Variants in FAM167A observed in about 807,000 individuals in gnomAD.
FAM167A encodes the protein family with sequence similarity 167 member A.
Under a neutral mutation model 14.9 loss-of-function variants are expected in FAM167A, and 23 were observed. That is an observed-to-expected ratio of 1.55 (90% CI 1.11 to 2.19). The LOEUF is 2.19. Ranked by LOEUF, FAM167A falls within the 30% of genes most tolerant of loss-of-function variation. The probability of loss-of-function intolerance (pLI) is 0.00; values close to 1 mark genes in which losing one functional copy is unlikely to be tolerated. For synonymous variants in FAM167A, 174 were observed against 117.7 expected, an observed-to-expected ratio of 1.48 and a Z score of -3.10; for missense variants, 401 against 281.5, an observed-to-expected ratio of 1.42 and a Z score of -3.04.
chr8:11,427,190 T>C (rs964094991), intron 2 of FAM167A, among the ~76,000 whole-genome samples: 1 of 152,328 alleles, frequency 6.6e-6, no homozygotes, highest in Non-Finnish European at 1.5e-5. Flanking sequence ...ATGTATTTTC[T>C]GCTCATGTTT....
upstream of FAM167A, among the ~76,000 whole-genome samples, chr8:11,468,747 C>G (rs1230686988): frequency 1.3e-5 from 2 of 152,224 alleles, no homozygotes; most frequent in Non-Finnish European, 2.9e-5. Flanking sequence ...CTCCTGGCTC[C>G]CTGTTTGACC....
At chr8:11,436,512 G>A (rs1482259323) in intron 2 of FAM167A, among the ~76,000 whole-genome samples, 1 of 152,176 alleles carries the variant, frequency 6.6e-6, no homozygotes, top group African/African-American at 2.4e-5. Flanking sequence ...TGGGCCAGTC[G>A]GCGGAGGGAG....
At chr8:11,470,211 T>C (rs1563397432), upstream of FAM167A, among the ~76,000 whole-genome samples, 1 of 151,538 alleles carries the variant, frequency 6.6e-6, no homozygotes, top group Non-Finnish European at 1.5e-5. Context: ...AGGGGAAGAG[T>C]GTGCACGTTT....
Position 11,444,421 on chromosome 8 carries a change from T to C in FAM167A, c.-10A>G. On this transcript the variant is annotated 5_prime_UTR_variant, in exon 2 of 3. Transcript: ENST00000284486. ...TCTGGGGCACAGACATTCTACAGTC[T>C]GCCCTGGCAGCCGGACATGCGAGGG... 5 of 1,517,252 alleles carry C rather than the reference T, an allele frequency of 3.3e-6. No individual in the cohort carries two copies. The highest frequency in any genetic ancestry group is 4.4e-6 in the Non-Finnish European group (5 of 1,133,028). 94.0% of individuals were successfully genotyped at this position (1,517,252 alleles called of 1,614,324 possible).
Position 11,444,351 on chromosome 8 carries a change from C to A in FAM167A, c.61G>T (p.Ala21Ser). ...CTCCGGAGGTGGTCATCGGGTGGTG[C>A]GGCTGCTCCCGCCCCCTCTTCTGCA... ...VGAEEGAGAA[A>S]PPDDHLRSLK... Residue 21 changes from alanine (A) to serine (S), a missense_variant, in exon 2 of 3, where the codon GCA becomes TCA. By Grantham distance (99) the Ala-to-Ser change is moderately conservative (BLOSUM62 1). Coordinates refer to ENST00000284486, the MANE Select transcript of FAM167A (RefSeq NM_053279.3). 6.3e-7 allele frequency: 1 copy of A among 1,599,732 alleles called. No homozygotes were observed. The highest frequency in any genetic ancestry group is 8.5e-7 in the Non-Finnish European group (1 of 1,173,166).
chr8:11,422,927 G>T lies in FAM167A; in HGVS notation c.*1446C>A, dbSNP rs1206298690. The T allele has an allele frequency of 6.5e-6, 1 of 152,698 alleles. No individual in the cohort carries two copies. The highest frequency in any genetic ancestry group is 1.5e-5 in the Non-Finnish European group (1 of 68,054). The allele number at this position is 152,698 out of a possible 1,614,324, so 9.5% of individuals were successfully genotyped here. A position where few individuals can be genotyped will look rare whatever the true frequency, so the allele number is the denominator to read the frequency against. On this transcript the variant is annotated 3_prime_UTR_variant, in exon 3 of 3. Coordinates refer to ENST00000284486, the MANE Select transcript of FAM167A (RefSeq NM_053279.3). The stretch of plus-strand genomic sequence containing the variant: ...ACTCTGGGAGATGTGGGTGGGGGCT[G>T]AGGTGGAGAGTAGAGGGGTTGGCAG...
rs115673240 is a variant in FAM167A at position 11,456,905 on chromosome 8, G to T, written c.-398+9721C>A. On this transcript the variant is annotated intron_variant, in intron 1 of 2. Coordinates refer to ENST00000284486, the MANE Select transcript of FAM167A (RefSeq NM_053279.3). The stretch of plus-strand genomic sequence containing the variant: ...CTGGGTTAGGGAAATGGGGGGATTG[G>T]GTTCGGGAAGTGGGTGGGGCTGGAT... Among the ~76,000 whole-genome samples the T allele has an allele frequency of 4.9e-3, 704 of 142,574 alleles. 12 individuals are homozygous for T. Among genetic ancestry groups the T allele is most frequent in the Middle Eastern group, 0.017 (5 of 290 alleles). 93.5% of individuals were successfully genotyped at this position (142,574 alleles called of 152,430 possible). A position where few individuals can be genotyped will look rare whatever the true frequency, so the allele number is the denominator to read the frequency against.
intron 1 of FAM167A, among the ~76,000 whole-genome samples, chr8:11,452,224 A>G (rs1807055712): frequency 6.6e-6 from 1 of 152,178 alleles, no homozygotes; most frequent in Non-Finnish European, 1.5e-5. Flanking sequence ...CTCACAATCC[A>G]TGACAGGCTA....
intron 1 of FAM167A, among the ~76,000 whole-genome samples, chr8:11,464,636 G>A (rs1322982426): frequency 6.6e-6 from 1 of 152,194 alleles, no homozygotes; most frequent in Non-Finnish European, 1.5e-5. Flanking sequence ...CCCCTGGTCT[G>A]GAAACCAGGA....
chr8:11,424,170 G>C lies in FAM167A; in HGVS notation c.*203C>G. The C allele has an allele frequency of 1.6e-6, 1 of 620,952 alleles. No individual in the cohort carries two copies. The highest frequency in any genetic ancestry group is 2.0e-5 in the South Asian group (1 of 48,960). 38.5% of individuals were successfully genotyped at this position (620,952 alleles called of 1,614,324 possible). ...AGAGCTCTTTGGGTAGTAAGCAAGA[G>C]CCAGTCACAGAGACACTGGCATCCA... On this transcript the variant is annotated 3_prime_UTR_variant, in exon 3 of 3. Coordinates refer to ENST00000284486, the MANE Select transcript of FAM167A (RefSeq NM_053279.3).
chr8:11,431,189 A>C (rs544449189), intron 2 of FAM167A, among the ~76,000 whole-genome samples: 43 of 152,382 alleles, frequency 2.8e-4, no homozygotes, highest in Non-Finnish European at 5.6e-4. Flanking sequence ...GCCTATCCAT[A>C]AAGTGGAATA....
At chr8:11,461,820 G>A (rs1807550803) in intron 1 of FAM167A, among the ~76,000 whole-genome samples, 1 of 152,252 alleles carries the variant, frequency 6.6e-6, no homozygotes, top group Admixed American at 6.5e-5. Context: ...TGCAGCACAA[G>A]TTCCAAAGCC....
At chr8:11,436,136 G>A (rs1254799588) in intron 2 of FAM167A, among the ~76,000 whole-genome samples, 3 of 152,224 alleles carry the variant, frequency 2.0e-5, no homozygotes, top group African/African-American at 4.8e-5. Context: ...GCATGGTCCG[G>A]GGTTGGGTAG....
chr8:11,424,321 C>T lies in FAM167A; in HGVS notation c.*52G>A, dbSNP rs996008684. 1.2e-5 allele frequency: 19 copies of T among 1,601,032 alleles called. No homozygotes were observed. The African/African-American group carries it at 1.2e-4, about 10-fold the overall frequency. On this transcript the variant is annotated 3_prime_UTR_variant, in exon 3 of 3. Coordinates refer to ENST00000284486, the MANE Select transcript of FAM167A (RefSeq NM_053279.3). Reference sequence around the variant, plus strand: ...ACTTGGCCTCAGCTTCCTCTGACACCCCTCCAGCCCAAGCCCTCCGCTCCA... The same window carrying T: ...ACTTGGCCTCAGCTTCCTCTGACACTCCTCCAGCCCAAGCCCTCCGCTCCA...
intron 2 of FAM167A, among the ~76,000 whole-genome samples, chr8:11,442,946 CCT>C: frequency 6.6e-6 from 1 of 152,310 alleles, no homozygotes; most frequent in Admixed American, 6.5e-5. Context: ...TCTCTCAGCC[CCT>C]GAGGCATTCC....
At chr8:11,453,421 C>A (rs1432324819) in intron 1 of FAM167A, among the ~76,000 whole-genome samples, 3 of 152,238 alleles carry the variant, frequency 2.0e-5, no homozygotes, top group Non-Finnish European at 4.4e-5. Context: ...GGAGATAGCA[C>A]CTCACTTATT....
chr8:11,457,810 AG>A (rs947736520), intron 1 of FAM167A, among the ~76,000 whole-genome samples: 56 of 152,248 alleles, frequency 3.7e-4, no homozygotes, highest in African/African-American at 1.2e-3. Context: ...CCCACCTTCC[AG>A]GCCACCTTTC....
intron 2 of FAM167A, among the ~76,000 whole-genome samples, chr8:11,427,418 T>C (rs997244414): frequency 3.9e-5 from 6 of 152,228 alleles, no homozygotes; most frequent in African/African-American, 1.4e-4. Flanking sequence ...TCTGAATCCT[T>C]CTCACTATTT....
chr8:11,468,260 G>T (rs1343316445), upstream of FAM167A, among the ~76,000 whole-genome samples: 2 of 152,216 alleles, frequency 1.3e-5, no homozygotes, highest in East Asian at 3.9e-4. Context: ...TGGCTGCAGG[G>T]GCCTGGCTGG....
Sources: allele counts gnomAD v4.1 joint callset (sites outside exome capture counted in the v4.1 genomes callset), GRCh38; gene constraint gnomAD v4.1.1; transcripts MANE v1.5; gene names NCBI Gene and HGNC (gene_info 2026-07-23, HGNC 2026-07-21).